The following VPS54 variants were observed in gnomAD, a reference collection of about 807,000 sequenced individuals.
VPS54 encodes the protein vacuolar protein sorting-associated protein 54.
VPS54 carries 45 observed loss-of-function variants against 121.5 expected under a neutral mutation model. The observed-to-expected ratio is 0.37, with a 90% CI of 0.29 to 0.47. VPS54 has a LOEUF of 0.47. Ranked by LOEUF, VPS54 falls within the 20% of genes least tolerant of loss-of-function variation. The pLI, the probability that VPS54 is intolerant of heterozygous loss-of-function variation, is 0.99. For synonymous variants in VPS54, 371 were observed against 385.8 expected (o/e 0.96, Z 0.45); for missense variants, 1,090 against 1,131.4 (o/e 0.96, Z 0.52).
At chr2:63,951,081 T>A (rs894700101) in intron 7 of VPS54, among the ~76,000 whole-genome samples, 1 of 152,170 alleles carries the variant, frequency 6.6e-6, no homozygotes, top group Non-Finnish European at 1.5e-5. Context: ...TAGGTATGCC[T>A]TTCTCATAGT....
chr2:63,936,699 A>G (rs987656294), intron 11 of VPS54, among the ~76,000 whole-genome samples: 1 of 152,218 alleles, frequency 6.6e-6, no homozygotes, highest in African/African-American at 2.4e-5. Context: ...AGAATTTAAT[A>G]AAAAGTCAAA....
chr2:64,017,107 C>T (rs1678738848), intron 1 of VPS54, among the ~76,000 whole-genome samples: 1 of 150,070 alleles, frequency 6.7e-6, no homozygotes, highest in Admixed American at 6.6e-5. Flanking sequence ...TCTGGGAGGC[C>T]GAGGCCGGTG....
Position 63,983,033 on chromosome 2 carries a change from C to CCATG in VPS54, c.136+827_136+830dup, listed in dbSNP as rs558956236. On this transcript the variant is annotated intron_variant, in intron 2 of 22. Transcript: ENST00000272322. ...ATGCAAATGATGAGGGCTGACTGTA[C>CCATG]CATGTTTTAACTAAGCAGCTTTCAA... Among the ~76,000 whole-genome samples the CCATG allele has an allele frequency of 1.4e-4, 22 of 152,190 alleles. No homozygotes were observed. In the East Asian group the frequency reaches 2.5e-3, roughly 17 times the overall value.
intron 1 of VPS54, among the ~76,000 whole-genome samples, chr2:63,991,653 G>A (rs923395311): frequency 6.6e-6 from 1 of 152,148 alleles, no homozygotes; most frequent in Non-Finnish European, 1.5e-5. Flanking sequence ...GGTAAACATT[G>A]GGCAAGTACT....
chr2:63,920,661 G>A (rs1481013603), intron 13 of VPS54, 34 bp from the exon 14 acceptor site: 1 of 1,308,276 alleles, frequency 7.6e-7, no homozygotes, highest in Non-Finnish European at 1.0e-6. Flanking sequence ...GAGAGTTAGT[G>A]TAACACCAAA....
At chr2:63,948,105 A>C (rs1275601848) in intron 8 of VPS54, among the ~76,000 whole-genome samples, 1 of 152,128 alleles carries the variant, frequency 6.6e-6, no homozygotes, top group Non-Finnish European at 1.5e-5. Context: ...TGCTTGGATT[A>C]TAGGCCTGAC....
intron 11 of VPS54, among the ~76,000 whole-genome samples, chr2:63,935,715 G>T (rs956811969): frequency 6.6e-6 from 1 of 152,168 alleles, no homozygotes; most frequent in African/African-American, 2.4e-5. Context: ...TTAGCTTAGA[G>T]ATGAGAAGAA....
rs1246468158 is a variant in VPS54 at position 63,921,263 on chromosome 2, A to G, written c.1812T>C (p.Tyr604=). ...KLANNIQELL[Y]SASDICHDRA... is the part of the protein sequence containing the mutation. ...GATCATGGCATATATCTGAGGCACTATATAATAATTCCTGGATATTATTTG... is the reference window on the plus strand; with the variant it reads ...GATCATGGCATATATCTGAGGCACTGTATAATAATTCCTGGATATTATTTG... The change falls in exon 13 of 23, where the codon TAT becomes TAC. Residue 604 remains tyrosine, a synonymous_variant. Transcript: ENST00000272322. 5 of 1,613,358 alleles carry G rather than the reference A, an allele frequency of 3.1e-6. No individual in the cohort carries two copies. Among genetic ancestry groups the G allele is most frequent in the Non-Finnish European group, 4.2e-6 (5 of 1,179,600 alleles).
rs900476896 is a variant in VPS54 at position 64,019,138 on chromosome 2, T to C, written c.-221A>G. On this transcript the variant is annotated 5_prime_UTR_variant, in exon 1 of 23. Coordinates refer to ENST00000272322, the MANE Select transcript of VPS54 (RefSeq NM_016516.3). ...ACAGGGCCGCCCTCTCGAGCCCAGC[T>C]TCACTCAGGGGTGAGAGGTGGCAGC... 7 of 150,952 alleles carry C rather than the reference T, an allele frequency of 4.6e-5. No individual in the cohort carries two copies. Among genetic ancestry groups the C allele is most frequent in the African/African-American group, 1.7e-4 (7 of 41,234 alleles). 9.4% of individuals were successfully genotyped at this position (150,952 alleles called of 1,614,324 possible).
At chr2:63,976,059 C>A (rs1475152389) in intron 3 of VPS54, among the ~76,000 whole-genome samples, 2 of 152,150 alleles carry the variant, frequency 1.3e-5, no homozygotes, top group East Asian at 3.9e-4. Context: ...GAAATTTCTT[C>A]CTGTTCCTAG....
At chr2:63,990,813 G>A (rs143292636) in intron 1 of VPS54, among the ~76,000 whole-genome samples, 86 of 152,286 alleles carry the variant, frequency 5.6e-4, no homozygotes, top group East Asian at 5.4e-3. Context: ...CAAATGTGTC[G>A]TTATGTACCT....
At chr2:63,974,053 T>C (rs146958322) in intron 3 of VPS54, among the ~76,000 whole-genome samples, 96 of 152,352 alleles carry the variant, frequency 6.3e-4, no homozygotes, top group African/African-American at 2.1e-3. Flanking sequence ...TTTTCTCCTA[T>C]GTTATCATCT....
At chr2:63,941,552 G>C (rs1256066052) in intron 11 of VPS54, among the ~76,000 whole-genome samples, 1 of 152,102 alleles carries the variant, frequency 6.6e-6, no homozygotes, top group Non-Finnish European at 1.5e-5. Flanking sequence ...CCAAAGTTAT[G>C]ACATGTTGGT....
intron 11 of VPS54, among the ~76,000 whole-genome samples, chr2:63,939,852 C>A (rs1042748548): frequency 1.3e-5 from 2 of 152,088 alleles, no homozygotes; most frequent in African/African-American, 4.8e-5. Flanking sequence ...CCTCCACCTC[C>A]CGGGTTCAAG....
intron 12 of VPS54, among the ~76,000 whole-genome samples, chr2:63,923,734 G>C (rs565576937): frequency 6.6e-6 from 1 of 152,258 alleles, no homozygotes; most frequent in South Asian, 2.1e-4. Flanking sequence ...GCCTAGAAAA[G>C]TATTTCCTAT....
chr2:64,003,038 G>A (rs1457975483), intron 1 of VPS54, among the ~76,000 whole-genome samples: 1 of 152,148 alleles, frequency 6.6e-6, no homozygotes, highest in Non-Finnish European at 1.5e-5. Context: ...AATGTACATG[G>A]CATCTGAATC....
intron 20 of VPS54, among the ~76,000 whole-genome samples, chr2:63,900,353 A>C (rs528460609): frequency 1.3e-5 from 2 of 152,290 alleles, no homozygotes; most frequent in African/African-American, 4.8e-5. Context: ...CCTAACATTA[A>C]AAGGAGGATT....
At chr2:63,895,068 G>C (rs1182671669) in intron 22 of VPS54, among the ~76,000 whole-genome samples, 1 of 152,044 alleles carries the variant, frequency 6.6e-6, no homozygotes, top group Non-Finnish European at 1.5e-5. Context: ...GACAAATGTT[G>C]ATCAATTCTG....
chr2:63,913,087 G>A (rs897602103), intron 18 of VPS54, 136 bp downstream of exon 18: 13 of 674,466 alleles, frequency 1.9e-5, no homozygotes, highest in Non-Finnish European at 2.6e-5. Flanking sequence ...ATACATAAAA[G>A]AGTAAGTAGC....
Sources: allele counts gnomAD v4.1 joint callset (sites outside exome capture counted in the v4.1 genomes callset), GRCh38; gene constraint gnomAD v4.1.1; transcripts MANE v1.5; gene names NCBI Gene and HGNC (gene_info 2026-07-23, HGNC 2026-07-21).